CDH13: variants seen among roughly 807,000 people sequenced by gnomAD.
CDH13 encodes cadherin-13.
CDH13 carries 24 observed loss-of-function variants against 63.8 expected under a neutral mutation model. The observed-to-expected ratio is 0.38, with a 90% confidence interval of 0.27 to 0.53. CDH13 has a LOEUF of 0.53. Among genes scored for constraint, CDH13 ranks in the 20% least tolerant of loss-of-function variants. The probability of loss-of-function intolerance (pLI) is 0.85; values close to 1 mark genes in which losing one functional copy is unlikely to be tolerated. For missense variants in CDH13, 1,049 were observed against 903.1 expected (o/e 1.16, Z -2.07); for synonymous variants, 503 against 355.3 (o/e 1.42, Z -4.67).
At chr16:83,364,264 C>G (rs944138619) in intron 6 of CDH13, among the ~76,000 whole-genome samples, 3 of 152,074 alleles carry the variant, frequency 2.0e-5, no homozygotes, top group Admixed American at 6.6e-5. Flanking sequence ...TGGATCTACC[C>G]AGAACTGTTG....
chr16:83,470,644 C>T (rs919249704), intron 6 of CDH13, among the ~76,000 whole-genome samples: 5 of 152,094 alleles, frequency 3.3e-5, no homozygotes, highest in African/African-American at 9.7e-5. Flanking sequence ...GATTCTTCTA[C>T]CCCTTCTGCT....
chr16:83,755,844 A>G (rs1013720952), intron 11 of CDH13, among the ~76,000 whole-genome samples: 13 of 152,254 alleles, frequency 8.5e-5, no homozygotes, highest in African/African-American at 3.1e-4. Context: ...CCAGAGAGGC[A>G]TAGAAACACA....
At chr16:82,795,773 G>T (rs1216037097) in intron 1 of CDH13, among the ~76,000 whole-genome samples, 4 of 152,040 alleles carry the variant, frequency 2.6e-5, no homozygotes, top group African/African-American at 9.7e-5. Context: ...GGCTGTAGTG[G>T]TGCAGTGACC....
At chr16:83,258,224 A>C (rs919438375) in intron 5 of CDH13, among the ~76,000 whole-genome samples, 1 of 152,242 alleles carries the variant, frequency 6.6e-6, no homozygotes. Flanking sequence ...AGGCATAGCC[A>C]AAGTCTGGCT....
intron 6 of CDH13, among the ~76,000 whole-genome samples, chr16:83,354,724 T>A (rs929099960): frequency 2.6e-5 from 4 of 152,140 alleles, no homozygotes. Context: ...GAGGCAGGAA[T>A]GACCTGAGGG....
At chr16:83,748,864 C>T (rs1206051938) in intron 11 of CDH13, among the ~76,000 whole-genome samples, 2 of 152,196 alleles carry the variant, frequency 1.3e-5, no homozygotes, top group Non-Finnish European at 2.9e-5. Context: ...GTTCAAAGTG[C>T]CACGATTGTT....
intron 3 of CDH13, among the ~76,000 whole-genome samples, chr16:83,073,354 T>TGTGTGTGTGAGAGA (rs1311548254): frequency 2.1e-4 from 30 of 139,756 alleles, no homozygotes; most frequent in African/African-American, 7.7e-4. Flanking sequence ...TGTGTGTGTG[T>TGTGTGTGTGAGAGA]GAGAGAGAGA....
At chr16:83,001,151 G>T (rs1035586818) in intron 2 of CDH13, among the ~76,000 whole-genome samples, 2 of 152,190 alleles carry the variant, frequency 1.3e-5, no homozygotes, top group Non-Finnish European at 2.9e-5. Flanking sequence ...TGAAGAAAAA[G>T]ATGACTTTAT....
chr16:83,352,169 T>C (rs1208011658), intron 6 of CDH13, among the ~76,000 whole-genome samples: 2 of 152,202 alleles, frequency 1.3e-5, no homozygotes, highest in Admixed American at 6.5e-5. Context: ...TCACTGTAAA[T>C]GTGTTTTATG....
intron 1 of CDH13, among the ~76,000 whole-genome samples, chr16:82,793,889 A>C (rs921667808): frequency 2.0e-5 from 3 of 152,178 alleles, no homozygotes; most frequent in Admixed American, 6.5e-5. Flanking sequence ...AATATGGGAC[A>C]GGCTGGGGCA....
chr16:82,719,317 A>G (rs774978434), intron 1 of CDH13: 11 of 454,488 alleles, frequency 2.4e-5, no homozygotes, highest in South Asian at 1.4e-4. Context: ...CACTGTTACT[A>G]AAGACTTAAA....
At chr16:82,665,428 G>T (rs1381133524) in intron 1 of CDH13, among the ~76,000 whole-genome samples, 1 of 152,180 alleles carries the variant, frequency 6.6e-6, no homozygotes, top group Non-Finnish European at 1.5e-5. Context: ...ACTGAACTGT[G>T]ACCAGAGGCT....
intron 5 of CDH13, among the ~76,000 whole-genome samples, chr16:83,321,427 A>G (rs1037744904): frequency 8.6e-5 from 13 of 152,010 alleles, no homozygotes; most frequent in Admixed American, 2.6e-4. Context: ...TATGTTAACT[A>G]CACAGTTATT....
intron 6 of CDH13, among the ~76,000 whole-genome samples, chr16:83,363,079 G>T (rs1266360251): frequency 6.6e-6 from 1 of 152,202 alleles, no homozygotes; most frequent in Non-Finnish European, 1.5e-5. Flanking sequence ...AAATTTTCTA[G>T]AGTTAGAAAA....
chr16:83,129,613 C>G (rs1441144203), intron 4 of CDH13, among the ~76,000 whole-genome samples: 1 of 152,192 alleles, frequency 6.6e-6, no homozygotes, highest in Non-Finnish European at 1.5e-5. Flanking sequence ...TTGACACCAG[C>G]TGGGGTATTT....
At chr16:83,624,382 A>G (rs536660214) in intron 8 of CDH13, among the ~76,000 whole-genome samples, 2 of 145,824 alleles carry the variant, frequency 1.4e-5, no homozygotes, top group East Asian at 4.1e-4. Context: ...CCTTTTTGGC[A>G]CCAGGGACCG....
intron 6 of CDH13, among the ~76,000 whole-genome samples, chr16:83,424,636 G>A (rs1261371732): frequency 6.6e-6 from 1 of 152,116 alleles, no homozygotes; most frequent in Non-Finnish European, 1.5e-5. Context: ...TAAAAAGGAA[G>A]AAATTACACA....
At chr16:83,393,413 C>A (rs1260950383) in intron 6 of CDH13, among the ~76,000 whole-genome samples, 1 of 152,142 alleles carries the variant, frequency 6.6e-6, no homozygotes, top group Non-Finnish European at 1.5e-5. Context: ...TAAAATGATC[C>A]TTTCCCTAGA....
intron 7 of CDH13, among the ~76,000 whole-genome samples, chr16:83,587,982 C>T (rs1246761424): frequency 1.3e-5 from 2 of 150,216 alleles, no homozygotes; most frequent in African/African-American, 4.9e-5. Context: ...TCCGTCCAAA[C>T]CTCACCACAT....
Sources: allele counts gnomAD v4.1 joint callset (sites outside exome capture counted in the v4.1 genomes callset), GRCh38; gene constraint gnomAD v4.1.1; transcripts MANE v1.5; gene names NCBI Gene and HGNC (gene_info 2026-07-23, HGNC 2026-07-21).